Variants in NFE2L3 observed in about 807,000 individuals in gnomAD.
The protein encoded by NFE2L3 is nuclear factor erythroid 2-related factor 3.
Under a neutral mutation model 23.5 loss-of-function variants are expected in NFE2L3, and 18 were observed. The observed-to-expected ratio is 0.77, with a 90% CI of 0.53 to 1.13. The LOEUF (loss-of-function observed/expected upper bound fraction) is 1.13. NFE2L3 is among the 50% of genes most tolerant of loss of function. The pLI is 0.00. For missense variants in NFE2L3, 1,152 were observed against 877.2 expected (o/e 1.31, Z -3.96); for synonymous variants, 424 against 354.5 (o/e 1.20, Z -2.20).
chr7:26,172,393 A>G (rs1200346552), intron 1 of NFE2L3, among the ~76,000 whole-genome samples: 1 of 152,206 alleles, frequency 6.6e-6, no homozygotes, highest in Admixed American at 6.5e-5. Flanking sequence ...TACATATGTG[A>G]ATTGAAACCA....
At chr7:26,184,203 C>A (rs983046725) in intron 3 of NFE2L3, 2 of 345,510 alleles carry the variant, frequency 5.8e-6, no homozygotes, top group Non-Finnish European at 1.1e-5. Flanking sequence ...TGACCCTCCA[C>A]AATGTGATTA....
intron 1 of NFE2L3, among the ~76,000 whole-genome samples, chr7:26,169,819 C>T (rs1583931516): frequency 6.6e-6 from 1 of 152,242 alleles, no homozygotes; most frequent in African/African-American, 2.4e-5. Flanking sequence ...TGAGAGTGGC[C>T]GGGCGCGGTG....
At chr7:26,178,654 G>A (rs1784456951) in intron 2 of NFE2L3, among the ~76,000 whole-genome samples, 1 of 152,170 alleles carries the variant, frequency 6.6e-6, no homozygotes, top group South Asian at 2.1e-4. Flanking sequence ...CTCTTTGGCT[G>A]TGAGAAGAGG....
intron 2 of NFE2L3, 30 bp from the exon 3 acceptor site, chr7:26,183,671 G>GA: frequency 1.4e-6 from 2 of 1,416,800 alleles, no homozygotes. Context: ...TCTTTTATGT[G>GA]AAAGATGCAC....
rs570405349 is a variant in NFE2L3, at chr7:26,185,870, A to G, written c.*87A>G. 1.1e-4 allele frequency: 118 copies of G among 1,109,368 alleles called. No individual in the cohort carries two copies. The highest frequency in any genetic ancestry group is 1.4e-4 in the Non-Finnish European group (112 of 790,242). The allele number at this position is 1,109,368 out of a possible 1,614,324, so 68.7% of individuals were successfully genotyped here. On this transcript the variant is annotated 3_prime_UTR_variant, in exon 4 of 4. Coordinates refer to ENST00000056233, the MANE Select transcript of NFE2L3 (RefSeq NM_004289.7). Reference sequence around the variant, plus strand: ...ATCAGAAACCATTGAAACTGCTTCAAGAATTGTATCTTTAAGTACTGCTAC... The same window carrying G: ...ATCAGAAACCATTGAAACTGCTTCAGGAATTGTATCTTTAAGTACTGCTAC...
chr7:26,183,854 C>T, intron 3 of NFE2L3, 70 bp downstream of exon 3: 1 of 988,178 alleles, frequency 1.0e-6, no homozygotes, highest in Non-Finnish European at 1.6e-6. Context: ...ACAAATACAA[C>T]TCCTTTACTT....
intron 1 of NFE2L3, among the ~76,000 whole-genome samples, chr7:26,166,182 A>C (rs1784249127): frequency 6.6e-6 from 1 of 152,142 alleles, no homozygotes; most frequent in Non-Finnish European, 1.5e-5. Context: ...AAGAGACTTA[A>C]ATGAATGACT....
chr7:26,159,149 G>A (rs1183038935), intron 1 of NFE2L3, among the ~76,000 whole-genome samples: 1 of 152,092 alleles, frequency 6.6e-6, no homozygotes, highest in African/African-American at 2.4e-5. Context: ...CTGCCCTTGT[G>A]GCTTATGTGA....
chr7:26,185,084 A>T lies in NFE2L3; in HGVS notation c.1386A>T (p.Glu462Asp). 2 of 1,613,922 alleles carry T rather than the reference A, an allele frequency of 1.2e-6. No homozygotes were observed. The highest frequency in any genetic ancestry group is 1.7e-6 in the Non-Finnish European group (2 of 1,179,840). ...DHESSSHHDL[E>D]GAVGGYYPEP... ...AATCTAGTTCCCATCATGACTTAGAAGGTGCTGTAGGTGGCTACTACCCAG... is the reference window on the plus strand; with the variant it reads ...AATCTAGTTCCCATCATGACTTAGATGGTGCTGTAGGTGGCTACTACCCAG... The change falls in exon 4 of 4, where the codon GAA becomes GAT. Residue 462 changes from glutamate (E) to aspartate (D), a missense_variant. Glu to Asp is a conservative substitution (Grantham distance 45). Coordinates refer to ENST00000056233, the MANE Select transcript of NFE2L3 (RefSeq NM_004289.7).
chr7:26,173,216 C>T (rs1311595604), intron 1 of NFE2L3, among the ~76,000 whole-genome samples: 2 of 152,166 alleles, frequency 1.3e-5, no homozygotes, highest in African/African-American at 4.8e-5. Context: ...GACAAGACAT[C>T]TTACATACCT....
chr7:26,152,947 T>G lies in NFE2L3; in HGVS notation c.449T>G (p.Val150Gly). The G allele has an allele frequency of 6.8e-6, 10 of 1,478,550 alleles. No individual in the cohort carries two copies. Among genetic ancestry groups the G allele is most frequent in the Non-Finnish European group, 8.9e-6 (10 of 1,124,182 alleles). The allele number at this position is 1,478,550 out of a possible 1,614,324, so 91.6% of individuals were successfully genotyped here. Residue 150 changes from valine to glycine, a missense_variant, in exon 1 of 4, where the codon GTG (valine) becomes GGG (glycine). Physicochemically the swap from Val to Gly is moderately radical, Grantham distance 109. Coordinates refer to ENST00000056233, the MANE Select transcript of NFE2L3 (RefSeq NM_004289.7). The surrounding 1 kb of genome is among the most constrained non-coding windows in gnomAD (Gnocchi z 4.4). ...GASVDGGSQA[V>G]QGGGGDPRAA... ...AGCGTGGACGGCGGCAGCCAGGCTG[T>G]GCAGGGGGGCGGCGGGGACCCCCGA... is the stretch of plus-strand genomic sequence containing the variant.
intron 1 of NFE2L3, among the ~76,000 whole-genome samples, chr7:26,160,844 G>A (rs958849914): frequency 3.9e-5 from 6 of 152,288 alleles, no homozygotes; most frequent in Middle Eastern, 3.4e-3. Context: ...TGACCATCAC[G>A]CCATCCAGCT....
chr7:26,161,416 A>G (rs1562669754), intron 1 of NFE2L3, among the ~76,000 whole-genome samples: 1 of 144,484 alleles, frequency 6.9e-6, no homozygotes, highest in East Asian at 2.0e-4. Context: ...AAATCCAGTG[A>G]CAAAATGAGA....
At chr7:26,175,583 C>A (rs746648448) in intron 1 of NFE2L3, among the ~76,000 whole-genome samples, 45 of 152,190 alleles carry the variant, frequency 3.0e-4, no homozygotes, top group Non-Finnish European at 4.7e-4. Flanking sequence ...CGAGACCATC[C>A]TGGCTAACAT....
In NFE2L3 at chr7:26,186,775, A is replaced by C. The variant is rs1782497617; in HGVS notation, c.*992A>C. ...TGTTTAAAATGGGCAAAAGCGATTA[A>C]GGGAAAAAAAACAGGTGAATTTGAA... is the stretch of plus-strand genomic sequence containing the variant. On this transcript the variant is annotated 3_prime_UTR_variant, in exon 4 of 4. Coordinates refer to ENST00000056233, the MANE Select transcript of NFE2L3 (RefSeq NM_004289.7). 1 of 152,228 alleles carries C rather than the reference A, an allele frequency of 6.6e-6. No individual in the cohort carries two copies. Among genetic ancestry groups the C allele is most frequent in the Non-Finnish European group, 1.5e-5 (1 of 68,038 alleles). 9.4% of individuals were successfully genotyped at this position (152,228 alleles called of 1,614,324 possible). A position where few individuals can be genotyped will look rare whatever the true frequency, so the allele number is the denominator to read the frequency against.
chr7:26,171,673 C>G (rs1288697281), intron 1 of NFE2L3, among the ~76,000 whole-genome samples: 2 of 151,948 alleles, frequency 1.3e-5, no homozygotes, highest in Non-Finnish European at 2.9e-5. Context: ...CTAGCTCTTT[C>G]ACTTACCATA....
At chr7:26,168,565 T>G (rs1308391913) in intron 1 of NFE2L3, among the ~76,000 whole-genome samples, 1 of 148,558 alleles carries the variant, frequency 6.7e-6, no homozygotes, top group African/African-American at 2.5e-5. Flanking sequence ...ATATAATATA[T>G]ATAGAGAGAG....
intron 1 of NFE2L3, among the ~76,000 whole-genome samples, chr7:26,177,600 G>C (rs1423397219): frequency 6.6e-6 from 1 of 152,276 alleles, no homozygotes; most frequent in South Asian, 2.1e-4. Flanking sequence ...GTCGAAAGGA[G>C]GGAAGGAGGG....
Position 26,155,952 on chromosome 7 carries a change from C to T in NFE2L3, c.570+2884C>T, listed in dbSNP as rs143350747. Among the ~76,000 whole-genome samples, 287 of 152,264 alleles carry T rather than the reference C, an allele frequency of 1.9e-3. 1 individual carries two copies. The highest frequency in any genetic ancestry group is 0.014 in the Middle Eastern group (4 of 294). On this transcript the variant is annotated intron_variant, in intron 1 of 3. Transcript: ENST00000056233. ...GCATGGTGCCTGGATTGTAGCTGCG[C>T]TCTTCTGCCCTCCGTCCTTAACCCA...
Sources: allele counts gnomAD v4.1 joint callset (sites outside exome capture counted in the v4.1 genomes callset), GRCh38; gene constraint gnomAD v4.1.1; non-coding constraint Gnocchi (gnomAD v3.1); transcripts MANE v1.5; gene names NCBI Gene and HGNC (gene_info 2026-07-23, HGNC 2026-07-21).